Variants in CNTNAP2 observed in about 807,000 individuals in gnomAD.
CNTNAP2 encodes contactin-associated protein-like 2.
CNTNAP2 carries 98 observed loss-of-function variants against 155.2 expected under a neutral mutation model. The observed-to-expected ratio is 0.63, with a 90% confidence interval of 0.54 to 0.75. CNTNAP2 has a LOEUF of 0.75. CNTNAP2 is among the 30% of genes least tolerant of loss of function. The probability of loss-of-function intolerance (pLI) is 0.00; values close to 1 mark genes in which losing one functional copy is unlikely to be tolerated. For missense variants in CNTNAP2, 1,727 were observed against 1,688.1 expected (o/e 1.02, Z -0.40); for synonymous variants, 651 against 631.2 (o/e 1.03, Z -0.47).
intron 1 of CNTNAP2, among the ~76,000 whole-genome samples, chr7:146,543,163 C>T (rs1162881855): frequency 2.8e-4 from 42 of 151,968 alleles, no homozygotes; most frequent in Non-Finnish European, 1.5e-5. Flanking sequence ...CATCATATTG[C>T]ACTTAATAAA....
intron 1 of CNTNAP2, among the ~76,000 whole-genome samples, chr7:146,202,380 T>G (rs1314987532): frequency 2.6e-5 from 4 of 152,324 alleles, no homozygotes; most frequent in African/African-American, 9.6e-5. Context: ...AGTCGTCTCT[T>G]GAGTGAATTT....
chr7:146,817,151 G>A (rs184337695), intron 2 of CNTNAP2, among the ~76,000 whole-genome samples: 2 of 152,194 alleles, frequency 1.3e-5, no homozygotes, highest in African/African-American at 4.8e-5. Flanking sequence ...GTCAAATACT[G>A]TATTAGACTG....
chr7:146,212,070 G>A (rs970351684), intron 1 of CNTNAP2, among the ~76,000 whole-genome samples: 114 of 152,188 alleles, frequency 7.5e-4, no homozygotes, highest in African/African-American at 2.6e-3. Context: ...CTGATAAGAA[G>A]TGTTTTCTAA....
At chr7:147,757,070 G>A (rs1469640876) in intron 13 of CNTNAP2, among the ~76,000 whole-genome samples, 1 of 152,134 alleles carries the variant, frequency 6.6e-6, no homozygotes, top group Admixed American at 6.5e-5. Context: ...ATGGAATAAT[G>A]TCACCCTACC....
At chr7:146,984,299 T>C (rs1436226250) in intron 3 of CNTNAP2, among the ~76,000 whole-genome samples, 1 of 146,638 alleles carries the variant, frequency 6.8e-6, no homozygotes, top group Non-Finnish European at 1.5e-5. Context: ...TCCTGGAGGC[T>C]GAGGTTGTGG....
chr7:146,914,473 T>G (rs1010203009), intron 3 of CNTNAP2, among the ~76,000 whole-genome samples: 4 of 152,094 alleles, frequency 2.6e-5, no homozygotes, highest in Non-Finnish European at 5.9e-5. Context: ...TTTTTTTAAT[T>G]TTTTTATTAT....
chr7:146,911,304 G>A lies in CNTNAP2; in HGVS notation c.402+71400G>A, dbSNP rs184561636. Among the ~76,000 whole-genome samples the A allele has an allele frequency of 9.1e-3, 1,384 of 152,168 alleles. 21 individuals are homozygous for A. The highest frequency in any genetic ancestry group is 0.032 in the African/African-American group (1,343 of 41,502). ...CATTTGACCCAGCCATCCTATTACT[G>A]GGTATATACCCAAAGGACTATAAAT... On this transcript the variant is annotated intron_variant, in intron 3 of 23. Coordinates refer to ENST00000361727, the MANE Select transcript of CNTNAP2 (RefSeq NM_014141.6).
At chr7:146,874,121 A>G (rs141841247) in intron 3 of CNTNAP2, among the ~76,000 whole-genome samples, 265 of 152,170 alleles carry the variant, frequency 1.7e-3, no homozygotes, top group African/African-American at 5.9e-3. Flanking sequence ...GAACTCAGGA[A>G]GAAGGAAATA....
At chr7:147,441,807 G>A (rs1432504911) in intron 10 of CNTNAP2, among the ~76,000 whole-genome samples, 1 of 76,826 alleles carries the variant, frequency 1.3e-5, no homozygotes, top group Non-Finnish European at 2.8e-5. Context: ...ACCAAATGTA[G>A]TCTCTTTCTC....
chr7:148,097,704 T>G (rs1333709782), intron 15 of CNTNAP2, among the ~76,000 whole-genome samples: 1 of 152,178 alleles, frequency 6.6e-6, no homozygotes, highest in Non-Finnish European at 1.5e-5. Context: ...TCTGTCTCCA[T>G]GTGGATAGCG....
intron 12 of CNTNAP2, among the ~76,000 whole-genome samples, chr7:147,569,222 T>C (rs1800235078): frequency 6.6e-6 from 1 of 152,192 alleles, no homozygotes; most frequent in East Asian, 1.9e-4. Flanking sequence ...TTCTAAGCGC[T>C]TGCACTCAGT....
intron 14 of CNTNAP2, among the ~76,000 whole-genome samples, chr7:147,957,266 GTTGT>G (rs752940199): frequency 6.6e-6 from 1 of 152,090 alleles, no homozygotes; most frequent in African/African-American, 2.4e-5. Context: ...GAGAGCTGAA[GTTGT>G]TTGTTTGTTT....
chr7:147,208,817 G>C (rs991920699), intron 8 of CNTNAP2, among the ~76,000 whole-genome samples: 5 of 151,778 alleles, frequency 3.3e-5, no homozygotes, highest in East Asian at 1.9e-4. Context: ...AAAAATAATA[G>C]TCATATTCTT....
chr7:147,483,213 T>C (rs545225601), intron 10 of CNTNAP2, among the ~76,000 whole-genome samples: 3 of 117,136 alleles, frequency 2.6e-5, no homozygotes, highest in East Asian at 4.6e-4. Context: ...CAATGGCAAA[T>C]AGAAAAAAAT....
At chr7:146,771,832 T>A (rs1383656437) in intron 1 of CNTNAP2, among the ~76,000 whole-genome samples, 1 of 152,180 alleles carries the variant, frequency 6.6e-6, no homozygotes, top group Non-Finnish European at 1.5e-5. Context: ...ATTTTTTGCT[T>A]ATAAATTTGA....
At chr7:146,224,353 C>T (rs73739573) in intron 1 of CNTNAP2, among the ~76,000 whole-genome samples, 4,508 of 151,048 alleles carry the variant, frequency 0.03, 221 homozygotes, top group African/African-American at 0.1. Context: ...AATACAATAG[C>T]GATTATGACA....
chr7:146,417,407 A>G (rs1584915671), intron 1 of CNTNAP2, among the ~76,000 whole-genome samples: 1 of 152,192 alleles, frequency 6.6e-6, no homozygotes, highest in African/African-American at 2.4e-5. Flanking sequence ...TTGCATGCTA[A>G]GTACCTCTCT....
chr7:146,760,642 C>A (rs1310932511), intron 1 of CNTNAP2, among the ~76,000 whole-genome samples: 1 of 151,744 alleles, frequency 6.6e-6, no homozygotes, highest in South Asian at 2.1e-4. Flanking sequence ...CCAGGCTGGT[C>A]TCAAACTCCT....
chr7:146,363,767 A>T (rs1398723421), intron 1 of CNTNAP2, among the ~76,000 whole-genome samples: 1 of 152,164 alleles, frequency 6.6e-6, no homozygotes, highest in Admixed American at 6.5e-5. Flanking sequence ...GAGAATGCTG[A>T]CTTAGAACAG....
Sources: allele counts gnomAD v4.1 joint callset (sites outside exome capture counted in the v4.1 genomes callset), GRCh38; gene constraint gnomAD v4.1.1; transcripts MANE v1.5; gene names NCBI Gene and HGNC (gene_info 2026-07-23, HGNC 2026-07-21).